The following TENM1 variants were observed in gnomAD, a reference collection of about 807,000 sequenced individuals.
The protein encoded by TENM1 is teneurin transmembrane protein 1.
In TENM1, 35 loss-of-function variants were observed where a neutral mutation model predicts 174.8. The observed-to-expected ratio is 0.20, with a 90% confidence interval of 0.15 to 0.27. The LOEUF is 0.27. Among genes scored for constraint, TENM1 ranks in the 10% least tolerant of loss-of-function variants. The pLI is 1.00. For synonymous variants in TENM1, 781 were observed against 798.7 expected (o/e 0.98, Z 0.37); for missense variants, 1,633 against 2,130.1 (o/e 0.77, Z 4.59).
At chrX:125,047,628 C>T in the TENM1 span, among the ~76,000 whole-genome samples, 2 of 111,086 alleles carry the variant, frequency 1.8e-5, no homozygotes, top group Non-Finnish European at 3.8e-5. Context: ...AACACGGCTC[C>T]TAGAAATTTT....
At chrX:124,818,579 A>G (rs2147287265) in intron 3 of TENM1, among the ~76,000 whole-genome samples, 1 of 111,785 alleles carries the variant, frequency 8.9e-6, no homozygotes, top group African/African-American at 3.2e-5. Context: ...ATGGCAGGAC[A>G]TACACTCTTT....
At chrX:125,052,722 T>C in the TENM1 span, among the ~76,000 whole-genome samples, 1 of 112,242 alleles carries the variant, frequency 8.9e-6, no homozygotes. Flanking sequence ...ATCTCTCAAA[T>C]AAAACAGATC....
intron 27 of TENM1, among the ~76,000 whole-genome samples, chrX:124,394,030 A>C (rs1334522540): frequency 8.9e-6 from 1 of 112,576 alleles, no homozygotes; most frequent in Non-Finnish European, 1.9e-5. Flanking sequence ...CATAATGATT[A>C]CTTTTCTCAT....
the TENM1 span, among the ~76,000 whole-genome samples, chrX:124,973,620 A>G: frequency 9.0e-6 from 1 of 111,459 alleles, no homozygotes; most frequent in Non-Finnish European, 1.9e-5. Context: ...GGTCCTTCAC[A>G]TCCCTTGTAA....
intron 5 of TENM1, among the ~76,000 whole-genome samples, chrX:124,695,802 A>G (rs1365620037): frequency 1.8e-5 from 2 of 108,617 alleles, no homozygotes; most frequent in Non-Finnish European, 3.9e-5. Flanking sequence ...AAATTGAGGG[A>G]TTTTTTTTTT....
chrX:124,410,614 T>C (rs1416839344), intron 25 of TENM1, among the ~76,000 whole-genome samples: 1 of 111,522 alleles, frequency 9.0e-6, no homozygotes, highest in Non-Finnish European at 1.9e-5. Flanking sequence ...ATTTTTGCAA[T>C]CTACTCATCT....
At chrX:124,482,382 T>C (rs1243939470) in intron 21 of TENM1, among the ~76,000 whole-genome samples, 1 of 110,572 alleles carries the variant, frequency 9.0e-6, no homozygotes, top group African/African-American at 3.3e-5. Flanking sequence ...ATAAACCTAC[T>C]TCCTTTCTCT....
chrX:125,000,167 T>G, the TENM1 span, among the ~76,000 whole-genome samples: 1 of 112,026 alleles, frequency 8.9e-6, no homozygotes, highest in Non-Finnish European at 1.9e-5. Context: ...ATTAGTAACT[T>G]CTGGTGCTCT....
the TENM1 span, among the ~76,000 whole-genome samples, chrX:125,084,205 T>A: frequency 9.1e-6 from 1 of 110,060 alleles, no homozygotes; most frequent in African/African-American, 3.3e-5. Flanking sequence ...TATTATGCAC[T>A]GGCTACCAGG....
At chrX:125,170,884 A>G in the TENM1 span, among the ~76,000 whole-genome samples, 3 of 111,320 alleles carry the variant, frequency 2.7e-5, no homozygotes, top group African/African-American at 9.8e-5. Flanking sequence ...TATATTTACT[A>G]GGATGCGCTT....
intron 5 of TENM1, 133 bp from the exon 9 acceptor site, chrX:124,671,968 C>T (rs747200238): frequency 7.7e-5 from 44 of 568,325 alleles, no homozygotes; most frequent in Non-Finnish European, 1.2e-4. Context: ...GGAGTTTATA[C>T]CTATACATCA....
chrX:125,096,911 A>T, the TENM1 span, among the ~76,000 whole-genome samples: 2 of 111,215 alleles, frequency 1.8e-5, no homozygotes, highest in Admixed American at 9.5e-5. Context: ...TCCTCCAATG[A>T]GTGCATGCTT....
At chrX:124,800,861 A>G (rs1223737957) in intron 3 of TENM1, among the ~76,000 whole-genome samples, 1 of 112,080 alleles carries the variant, frequency 8.9e-6, no homozygotes, top group African/African-American at 3.2e-5. Context: ...TTATTTACCC[A>G]GTAGTCATTC....
chrX:125,059,434 A>AT, the TENM1 span, among the ~76,000 whole-genome samples: 72 of 109,707 alleles, frequency 6.6e-4, no homozygotes, highest in South Asian at 1.2e-3. Flanking sequence ...ACAGTTACCC[A>AT]TTTTTTTTTG....
chrX:124,604,327 G>T (rs1326695814), intron 11 of TENM1, among the ~76,000 whole-genome samples: 1 of 111,477 alleles, frequency 9.0e-6, no homozygotes, highest in Non-Finnish European at 1.9e-5. Flanking sequence ...GTAATAATGT[G>T]TAGTAGGTTC....
chrX:124,394,795 G>A (rs1263665889), intron 27 of TENM1, among the ~76,000 whole-genome samples: 1 of 111,753 alleles, frequency 8.9e-6, no homozygotes, highest in Non-Finnish European at 1.9e-5. Context: ...TACTTTTTCA[G>A]CTAATGTTTT....
chrX:124,505,150 T>G (rs2047418281), intron 18 of TENM1, among the ~76,000 whole-genome samples: 1 of 112,473 alleles, frequency 8.9e-6, no homozygotes, highest in African/African-American at 3.2e-5. Flanking sequence ...TTTGTAATAC[T>G]TTTTAAACAA....
intron 25 of TENM1, 70 bp from the exon 29 acceptor site, chrX:124,406,559 T>C (rs1400320330): frequency 2.8e-6 from 2 of 722,276 alleles, no homozygotes; most frequent in Non-Finnish European, 4.1e-6. Context: ...AAAATAAAAA[T>C]CACTTGGCAG....
chrX:124,512,323 A>G (rs1170464134), intron 18 of TENM1, among the ~76,000 whole-genome samples: 1 of 111,550 alleles, frequency 9.0e-6, no homozygotes. Context: ...GAGTTGGGAA[A>G]GAAACTAAAT....
Sources: gnomAD v4.1 joint callset for allele counts (sites outside exome capture counted in the v4.1 genomes callset) on GRCh38, gnomAD v4.1.1 for gene constraint, MANE v1.5 for transcripts, NCBI Gene and HGNC (gene_info 2026-07-23, HGNC 2026-07-21) for gene names.